Variants in SHANK2 observed in about 807,000 individuals in gnomAD.
The protein encoded by SHANK2 is SH3 and multiple ankyrin repeat domains protein 2.
SHANK2 carries 43 observed loss-of-function variants against 133.7 expected under a neutral mutation model. The observed-to-expected ratio is 0.32, with a 90% confidence interval of 0.25 to 0.41. The LOEUF (loss-of-function observed/expected upper bound fraction) is 0.41, where lower values mean the gene tolerates loss of function less well. Ranked by LOEUF, SHANK2 falls within the 10% of genes least tolerant of loss-of-function variation. SHANK2 has a pLI of 1.00. For synonymous variants in SHANK2, 1,017 were observed against 952.8 expected (o/e 1.07, Z -1.24); for missense variants, 1,994 against 2,235.8 (o/e 0.89, Z 2.18).
chr11:70,920,399 A>T (rs1387915830), intron 10 of SHANK2, among the ~76,000 whole-genome samples: 1 of 152,176 alleles, frequency 6.6e-6, no homozygotes, highest in Non-Finnish European at 1.5e-5. Flanking sequence ...AGTCTATTTT[A>T]AAAAATGATT....
At chr11:70,827,298 CAATT>C (rs1948658164) in intron 11 of SHANK2, among the ~76,000 whole-genome samples, 1 of 141,448 alleles carries the variant, frequency 7.1e-6, no homozygotes, top group Non-Finnish European at 1.5e-5. Flanking sequence ...GATAAAAAGA[CAATT>C]AAACTGAGAC....
chr11:71,072,285 G>A (rs1679185755), intron 9 of SHANK2, among the ~76,000 whole-genome samples: 1 of 151,686 alleles, frequency 6.6e-6, no homozygotes, highest in Non-Finnish European at 1.5e-5. Context: ...AGGACCAGCA[G>A]CCTCCTGCGG....
chr11:70,558,237 C>T (rs1156510989), intron 17 of SHANK2, among the ~76,000 whole-genome samples: 1 of 152,186 alleles, frequency 6.6e-6, no homozygotes. Context: ...ACTGGGGCTT[C>T]GGTAGGAGCG....
chr11:71,067,673 G>A lies in SHANK2; in HGVS notation c.1029+7486C>T, dbSNP rs985639539. Reference sequence around the variant, plus strand: ...AGGAGAGGCTTGTTACAGGAATATCGTCAATAGCAGCATCACCATCATCAT... The same window carrying A: ...AGGAGAGGCTTGTTACAGGAATATCATCAATAGCAGCATCACCATCATCAT... On this transcript the variant is annotated intron_variant, in intron 9 of 25. Transcript: ENST00000601538. 2.3e-4 allele frequency among the ~76,000 whole-genome samples: 35 copies of A among 152,114 alleles called. No individual in the cohort carries two copies. In the East Asian group the frequency reaches 4.6e-3, roughly 20 times the overall value.
chr11:71,205,123 C>A (rs982815111), intron 2 of SHANK2, among the ~76,000 whole-genome samples: 5 of 152,310 alleles, frequency 3.3e-5, no homozygotes, highest in Admixed American at 1.3e-4. Context: ...CCGTAGCACC[C>A]TTGTGTAATG....
intron 17 of SHANK2, among the ~76,000 whole-genome samples, chr11:70,568,646 G>GCA (rs112149839): frequency 2.5e-5 from 2 of 79,966 alleles, no homozygotes; most frequent in African/African-American, 7.8e-5. Flanking sequence ...GCGGATTCCT[G>GCA]CCCCCCCCGC....
intron 8 of SHANK2, among the ~76,000 whole-genome samples, chr11:71,079,307 G>C (rs1951260487): frequency 6.6e-6 from 1 of 152,256 alleles, no homozygotes; most frequent in Non-Finnish European, 1.5e-5. Flanking sequence ...AAAGGCTCCA[G>C]GCAGGTCCCA....
At chr11:70,727,829 G>T (rs924478523) in intron 14 of SHANK2, among the ~76,000 whole-genome samples, 1 of 152,222 alleles carries the variant, frequency 6.6e-6, no homozygotes, top group Non-Finnish European at 1.5e-5. Flanking sequence ...CAAGACGCTG[G>T]ATGGGGGCCA....
chr11:71,186,457 A>G (rs1034768118), intron 2 of SHANK2, among the ~76,000 whole-genome samples: 1 of 152,174 alleles, frequency 6.6e-6, no homozygotes, highest in Non-Finnish European at 1.5e-5. Context: ...TCTATCCCCC[A>G]ACCTATGGAG....
intron 14 of SHANK2, among the ~76,000 whole-genome samples, chr11:70,746,424 C>T (rs1167306244): frequency 1.1e-4 from 17 of 151,644 alleles, no homozygotes; most frequent in African/African-American, 4.1e-4. Flanking sequence ...ATGCTCACAG[C>T]CCCCATCTCC....
intron 17 of SHANK2, among the ~76,000 whole-genome samples, chr11:70,521,651 TGTGCACGTGAGCATGTGTGTGG>T (rs2059331974): frequency 6.6e-6 from 1 of 152,220 alleles, no homozygotes; most frequent in Non-Finnish European, 1.5e-5. Flanking sequence ...TGTATGTGTG[TGTGCACGTGAGCATGTGTGTGG>T]GTGAGTGTGA....
chr11:70,560,505 T>C (rs1486719312), intron 17 of SHANK2, among the ~76,000 whole-genome samples: 1 of 98,608 alleles, frequency 1.0e-5, no homozygotes, highest in African/African-American at 4.0e-5. Flanking sequence ...TTTTTTTTTT[T>C]TTTTGGTAGA....
At chr11:70,655,334 C>T (rs1375226801) in intron 17 of SHANK2, among the ~76,000 whole-genome samples, 1 of 152,236 alleles carries the variant, frequency 6.6e-6, no homozygotes, top group Non-Finnish European at 1.5e-5. Flanking sequence ...GTTCAGGCAT[C>T]TTTGAGCCAT....
rs1951415191 is a variant in SHANK2 at position 71,086,325 on chromosome 11, AT to A, written c.912+6096del. Among the ~76,000 whole-genome samples, 9 of 120,766 alleles carry A rather than the reference AT, an allele frequency of 7.5e-5. No individual in the cohort carries two copies. The South Asian group carries it at 1.9e-3, about 26-fold the overall frequency. 79.2% of individuals were successfully genotyped at this position (120,766 alleles called of 152,430 possible). A position where few individuals can be genotyped will look rare whatever the true frequency, so the allele number is the denominator to read the frequency against. The stretch of plus-strand genomic sequence containing the variant: ...TTATATAAGATATAGTATATGTTAT[AT>A]TATATATGTTATATAAGATATAGTA... On this transcript the variant is annotated intron_variant, in intron 8 of 25. Transcript: ENST00000601538.
chr11:71,064,176 A>T (rs1951018991), intron 9 of SHANK2, among the ~76,000 whole-genome samples: 1 of 152,334 alleles, frequency 6.6e-6, no homozygotes, highest in African/African-American at 2.4e-5. Flanking sequence ...GTCCCTGGGG[A>T]CACAGATGCA....
intron 11 of SHANK2, among the ~76,000 whole-genome samples, chr11:70,835,014 T>C (rs115466306): frequency 0.014 from 2,170 of 152,192 alleles, 57 homozygotes; most frequent in African/African-American, 0.05. Flanking sequence ...GGAGGAGCTC[T>C]GGAGGGTGAA....
At chr11:71,073,566 C>A (rs1426112327) in intron 9 of SHANK2, among the ~76,000 whole-genome samples, 2 of 151,982 alleles carry the variant, frequency 1.3e-5, no homozygotes, top group Non-Finnish European at 2.9e-5. Context: ...CCCCAGGGCT[C>A]AAGTGATCCT....
At chr11:70,519,776 C>T (rs937659818) in intron 17 of SHANK2, among the ~76,000 whole-genome samples, 1 of 152,114 alleles carries the variant, frequency 6.6e-6, no homozygotes, top group Non-Finnish European at 1.5e-5. Flanking sequence ...TATTCTGTTA[C>T]CTGGGCTGGA....
At chr11:71,207,460 G>A (rs1050269094) in intron 2 of SHANK2, among the ~76,000 whole-genome samples, 9 of 152,162 alleles carry the variant, frequency 5.9e-5, no homozygotes, top group African/African-American at 1.2e-4. Flanking sequence ...GATTACAGGC[G>A]TGAGACATCG....
Sources: gnomAD v4.1 joint callset for allele counts (sites outside exome capture counted in the v4.1 genomes callset) on GRCh38, gnomAD v4.1.1 for gene constraint, MANE v1.5 for transcripts, NCBI Gene and HGNC (gene_info 2026-07-23, HGNC 2026-07-21) for gene names.